LRRC4C: variants seen among roughly 807,000 people sequenced by gnomAD.
LRRC4C encodes the protein leucine-rich repeat-containing protein 4C.
Under a neutral mutation model 33.6 loss-of-function variants are expected in LRRC4C, and 5 were observed. The ratio of observed to expected loss-of-function variants is 0.15; its 90% CI spans 0.08 to 0.31. The LOEUF is 0.31. Among genes scored for constraint, LRRC4C ranks in the 10% least tolerant of loss-of-function variants. The pLI is 1.00. For synonymous variants in LRRC4C, 329 were observed against 302.0 expected, an observed-to-expected ratio of 1.09 and a Z score of -0.93; for missense variants, 560 against 796.7, an observed-to-expected ratio of 0.70 and a Z score of 3.58.
intron 3 of LRRC4C, among the ~76,000 whole-genome samples, chr11:40,435,935 C>T (rs1489711232): frequency 6.6e-6 from 1 of 152,076 alleles, no homozygotes; most frequent in Admixed American, 6.6e-5. Flanking sequence ...GCTACTCTTC[C>T]CTGCTCTTGT....
chr11:41,399,780 T>C (rs757564830), intron 1 of LRRC4C, among the ~76,000 whole-genome samples: 14 of 152,028 alleles, frequency 9.2e-5, no homozygotes, highest in Non-Finnish European at 2.1e-4. Context: ...GGCTGATTCT[T>C]AATGACTAAT....
chr11:40,145,518 G>A lies in LRRC4C; in HGVS notation c.-95-4665C>T, dbSNP rs535378687. ...TGAAAGGGTAATTAAAATTAAAACC[G>A]GAATAGTTCATTCAGTTACAGAGTT... On this transcript the variant is annotated intron_variant, in intron 5 of 6. Coordinates refer to ENST00000528697, the MANE Select transcript of LRRC4C (RefSeq NM_001258419.2). Among the ~76,000 whole-genome samples the A allele has an allele frequency of 3.8e-4, 58 of 152,102 alleles. No individual in the cohort carries two copies. In the South Asian group the frequency reaches 4.4e-3, roughly 11 times the overall value.
intron 6 of LRRC4C, among the ~76,000 whole-genome samples, chr11:40,136,509 C>G (rs1426286994): frequency 1.3e-5 from 2 of 151,526 alleles, no homozygotes; most frequent in African/African-American, 4.9e-5. Flanking sequence ...ATCTCCTGAC[C>G]TCGTGACCCG....
intron 1 of LRRC4C, among the ~76,000 whole-genome samples, chr11:41,112,376 A>G (rs1941883308): frequency 6.6e-6 from 1 of 152,066 alleles, no homozygotes; most frequent in Non-Finnish European, 1.5e-5. Context: ...AATTCAATGA[A>G]CTAGGAGACT....
At chr11:40,912,720 C>A (rs1036833097) in intron 2 of LRRC4C, among the ~76,000 whole-genome samples, 6 of 146,522 alleles carry the variant, frequency 4.1e-5, no homozygotes, top group African/African-American at 1.5e-4. Flanking sequence ...TGTAAATGGG[C>A]TAAATGCTCC....
chr11:40,459,606 T>G (rs1952294818), intron 3 of LRRC4C, among the ~76,000 whole-genome samples: 1 of 152,148 alleles, frequency 6.6e-6, no homozygotes, highest in Non-Finnish European at 1.5e-5. Context: ...TAAAGCCAAT[T>G]CATCCAGCCA....
intron 5 of LRRC4C, among the ~76,000 whole-genome samples, chr11:40,217,348 G>C (rs1430302052): frequency 6.6e-6 from 1 of 152,030 alleles, no homozygotes; most frequent in South Asian, 2.1e-4. Flanking sequence ...AATACAGCTA[G>C]TAAATAGCAA....
chr11:40,680,654 G>T (rs1296741306), intron 2 of LRRC4C, among the ~76,000 whole-genome samples: 1 of 152,142 alleles, frequency 6.6e-6, no homozygotes, highest in Middle Eastern at 3.2e-3. Context: ...GGTATGACTT[G>T]CTCCTCCTTG....
intron 2 of LRRC4C, among the ~76,000 whole-genome samples, chr11:40,667,932 A>G (rs56258523): frequency 0.53 from 80,279 of 151,996 alleles, 22,539 homozygotes; most frequent in East Asian, 0.71. Context: ...CTTAGGTAAC[A>G]TGTTCTGCAT....
chr11:40,790,308 G>C (rs1228588840), intron 2 of LRRC4C, among the ~76,000 whole-genome samples: 1 of 152,120 alleles, frequency 6.6e-6, no homozygotes, highest in African/African-American at 2.4e-5. Flanking sequence ...ACAGACATTG[G>C]CATCATATTA....
At chr11:41,326,944 T>A (rs970370983) in intron 1 of LRRC4C, among the ~76,000 whole-genome samples, 1 of 152,182 alleles carries the variant, frequency 6.6e-6, no homozygotes, top group Non-Finnish European at 1.5e-5. Flanking sequence ...ATCATCACAT[T>A]CTTGTAGATT....
At chr11:41,123,806 C>T (rs1393764519) in intron 1 of LRRC4C, among the ~76,000 whole-genome samples, 2 of 152,240 alleles carry the variant, frequency 1.3e-5, no homozygotes, top group East Asian at 3.9e-4. Context: ...GTGGTTTAAT[C>T]AATGCAGAGA....
intron 3 of LRRC4C, among the ~76,000 whole-genome samples, chr11:40,592,863 G>C (rs1959121897): frequency 6.6e-6 from 1 of 152,160 alleles, no homozygotes; most frequent in Non-Finnish European, 1.5e-5. Flanking sequence ...TTGAGAGAAT[G>C]CTGACTATTT....
intron 3 of LRRC4C, among the ~76,000 whole-genome samples, chr11:40,506,641 GA>G (rs1408270192): frequency 2.4e-4 from 29 of 122,034 alleles, no homozygotes; most frequent in Admixed American, 1.2e-3. Context: ...ATTCTCATCT[GA>G]AAAAAAAATA....
chr11:40,747,710 TATC>T (rs1419960966), intron 2 of LRRC4C, among the ~76,000 whole-genome samples: 5 of 151,656 alleles, frequency 3.3e-5, no homozygotes, highest in African/African-American at 9.7e-5. Flanking sequence ...AAGAAAAAGA[TATC>T]ATAAAAAAGG....
At chr11:41,006,325 G>T (rs1032189839) in intron 1 of LRRC4C, among the ~76,000 whole-genome samples, 1 of 152,230 alleles carries the variant, frequency 6.6e-6, no homozygotes, top group Non-Finnish European at 1.5e-5. Flanking sequence ...CTAATCTAAA[G>T]CTAGTTAGTA....
chr11:40,240,637 T>C (rs1865869997), intron 5 of LRRC4C, among the ~76,000 whole-genome samples: 1 of 152,084 alleles, frequency 6.6e-6, no homozygotes, highest in African/African-American at 2.4e-5. Flanking sequence ...GCTGAAGAAA[T>C]GAAAAAGAAA....
chr11:40,854,031 C>T (rs543462321), intron 2 of LRRC4C, among the ~76,000 whole-genome samples: 39 of 152,206 alleles, frequency 2.6e-4, no homozygotes, highest in African/African-American at 7.7e-4. Flanking sequence ...TCTTCTCAAA[C>T]GATGCCTTCT....
chr11:40,911,747 T>C (rs1000486625), intron 2 of LRRC4C, among the ~76,000 whole-genome samples: 5 of 152,152 alleles, frequency 3.3e-5, no homozygotes, highest in African/African-American at 1.2e-4. Context: ...CAAACTACTC[T>C]GAGCTAAAGG....
Sources: allele counts gnomAD v4.1 joint callset (sites outside exome capture counted in the v4.1 genomes callset), GRCh38; gene constraint gnomAD v4.1.1; transcripts MANE v1.5; gene names NCBI Gene and HGNC (gene_info 2026-07-23, HGNC 2026-07-21).